The following RNFT2 variants were observed in gnomAD, a reference collection of about 807,000 sequenced individuals.
RNFT2 encodes ring finger protein, transmembrane 2.
Under a neutral mutation model 53.0 loss-of-function variants are expected in RNFT2, and 36 were observed. The observed-to-expected ratio is 0.68, with a 90% confidence interval of 0.52 to 0.90. The LOEUF (loss-of-function observed/expected upper bound fraction) is 0.90, where lower values mean the gene tolerates loss of function less well. Ranked by LOEUF, RNFT2 falls within the 40% of genes least tolerant of loss-of-function variation. RNFT2 has a pLI of 0.00. For synonymous variants in RNFT2, 260 were observed against 253.2 expected, an observed-to-expected ratio of 1.03 and a Z score of -0.26; for missense variants, 514 against 585.6, an observed-to-expected ratio of 0.88 and a Z score of 1.26.
intron 5 of RNFT2, among the ~76,000 whole-genome samples, 177 bp from the exon 6 acceptor site, chr12:116,766,637 C>T (rs1199117416): frequency 6.6e-6 from 1 of 152,162 alleles, no homozygotes; most frequent in African/African-American, 2.4e-5. Flanking sequence ...CCACCTTCTC[C>T]GTGACCACCG....
At chr12:116,849,283 T>TC in intron 10 of RNFT2, 31 bp from the exon 11 acceptor site, 13 of 1,506,848 alleles carry the variant, frequency 8.6e-6, no homozygotes, top group Non-Finnish European at 1.2e-5. Flanking sequence ...CAGTAAAGAG[T>TC]CCTGGTGCCT....
chr12:116,740,541 A>G lies in RNFT2; in HGVS notation c.24+20A>G. ...AATCAGGTGACACGTCTCCAAGAGA[A>G]TTTGCATCTTTATTACTACTTGATT... On this transcript the variant is annotated intron_variant, in intron 2 of 10. Transcript: ENST00000257575. 6.4e-7 allele frequency: 1 copy of G among 1,561,702 alleles called. No homozygotes were observed. Among genetic ancestry groups the G allele is most frequent in the Non-Finnish European group, 8.7e-7 (1 of 1,151,542 alleles).
At chr12:116,802,460 T>C (rs1362395387) in intron 7 of RNFT2, among the ~76,000 whole-genome samples, 1 of 152,168 alleles carries the variant, frequency 6.6e-6, no homozygotes, top group Admixed American at 6.5e-5. Flanking sequence ...AGTTGAGGAA[T>C]GATGACAGAG....
At chr12:116,847,590 C>T (rs912600249) in intron 10 of RNFT2, among the ~76,000 whole-genome samples, 6 of 151,346 alleles carry the variant, frequency 4.0e-5, no homozygotes, top group African/African-American at 9.7e-5. Flanking sequence ...CACAATGGCA[C>T]GATCTCAGCT....
At chr12:116,817,961 T>C (rs915867326) in intron 7 of RNFT2, among the ~76,000 whole-genome samples, 3 of 152,094 alleles carry the variant, frequency 2.0e-5, no homozygotes, top group Non-Finnish European at 4.4e-5. Context: ...AACACGCAAA[T>C]ATAGAACTTC....
At chr12:116,813,355 G>T (rs1255433465) in intron 7 of RNFT2, among the ~76,000 whole-genome samples, 1 of 152,186 alleles carries the variant, frequency 6.6e-6, no homozygotes, top group Non-Finnish European at 1.5e-5. Flanking sequence ...TCTTAGGGCT[G>T]AATCATGCTC....
chr12:116,772,659 A>C (rs1290480359), intron 6 of RNFT2, among the ~76,000 whole-genome samples: 3 of 152,160 alleles, frequency 2.0e-5, no homozygotes, highest in Non-Finnish European at 4.4e-5. Context: ...AAAAAGGACC[A>C]AAAACACCTC....
rs183783005 is a variant in RNFT2, at chr12:116,845,446, A to G, written c.1201-3868A>G. ...GACAGTAACAGGATGGAATCGGGGC[A>G]ACATCATAAAACAGGGGAGACATGA... On this transcript the variant is annotated intron_variant, in intron 10 of 10. Transcript: ENST00000257575. Among the ~76,000 whole-genome samples, 731 of 152,158 alleles carry G rather than the reference A, an allele frequency of 4.8e-3. 7 individuals are homozygous for G. Among genetic ancestry groups the G allele is most frequent in the African/African-American group, 0.016 (660 of 41,520 alleles).
At chr12:116,806,397 TATAGATAG>T (rs71095599) in intron 7 of RNFT2, among the ~76,000 whole-genome samples, 4 of 131,646 alleles carry the variant, frequency 3.0e-5, no homozygotes, top group South Asian at 2.5e-4. Context: ...TATATATATA[TATAGATAG>T]ATAGATAGAT....
chr12:116,807,866 C>T (rs544599231), intron 7 of RNFT2, among the ~76,000 whole-genome samples: 3 of 152,090 alleles, frequency 2.0e-5, no homozygotes, highest in African/African-American at 4.8e-5. Context: ...TGCTTTGATG[C>T]GATTGTGGCT....
intron 6 of RNFT2, among the ~76,000 whole-genome samples, chr12:116,776,008 A>C (rs1272009737): frequency 2.6e-5 from 4 of 151,912 alleles, no homozygotes. Context: ...GTGACACTGC[A>C]CTCCAGCCTG....
chr12:116,786,931 TCTC>T (rs1435284954), intron 7 of RNFT2, among the ~76,000 whole-genome samples: 3 of 152,166 alleles, frequency 2.0e-5, no homozygotes, highest in African/African-American at 7.2e-5. Flanking sequence ...CACATGGTCT[TCTC>T]CTCTTCTGTG....
In RNFT2 at chr12:116,849,630, C is replaced by G; in HGVS notation, c.*182C>G. The G allele has an allele frequency of 7.2e-7, 1 of 1,389,766 alleles. No homozygotes were observed. The highest frequency in any genetic ancestry group is 9.3e-7 in the Non-Finnish European group (1 of 1,070,318). 86.1% of individuals were successfully genotyped at this position (1,389,766 alleles called of 1,614,324 possible). A position where few individuals can be genotyped will look rare whatever the true frequency, so the allele number is the denominator to read the frequency against. ...CTGACCTTCATCTTCCTCTCTCGTT[C>G]TGTGGTATAGTGCGTGCCTCCTTCC... On this transcript the variant is annotated 3_prime_UTR_variant, in exon 11 of 11. Transcript: ENST00000257575.
At chr12:116,779,150 C>A in intron 6 of RNFT2, 45 bp from the exon 7 acceptor site, 1 of 1,607,810 alleles carries the variant, frequency 6.2e-7, no homozygotes, top group Non-Finnish European at 8.5e-7. Context: ...GCTGCTGAGG[C>A]CTGGCCCTAA....
chr12:116,753,461 T>C (rs76058084), intron 4 of RNFT2, among the ~76,000 whole-genome samples: 1 of 152,226 alleles, frequency 6.6e-6, no homozygotes, highest in African/African-American at 2.4e-5. Context: ...GTGAGTTTTT[T>C]CAATGTATGC....
chr12:116,749,879 A>G lies in RNFT2; in HGVS notation c.122A>G (p.Asp41Gly). 1 of 1,589,536 alleles carries G rather than the reference A, an allele frequency of 6.3e-7. No individual in the cohort carries two copies. Among genetic ancestry groups the G allele is most frequent in the East Asian group, 2.3e-5 (1 of 43,750 alleles). Reference protein sequence around the residue: ...SQALSSEASVDEGGVFESLKA... With the variant: ...SQALSSEASVGEGGVFESLKA... ...GCGCTCAGCTCCGAGGCGAGTGTGG[A>G]TGAAGGTGGCGTCTTTGAGAGTCTG... The change falls in exon 4 of 11, where the codon GAT becomes GGT. Residue 41 changes from aspartate (D) to glycine (G), a missense_variant. Asp to Gly is a moderately conservative substitution (Grantham distance 94, BLOSUM62 -1). Around this residue, in one of 3 missense-constraint regions of RNFT2, gnomAD observed 237 missense variants for 235.1 expected, o/e 1.01. Transcript: ENST00000257575.
rs541006101 is a variant in RNFT2 at position 116,769,424 on chromosome 12, A to G, written c.728+2510A>G. Among the ~76,000 whole-genome samples, 7 of 152,318 alleles carry G rather than the reference A, an allele frequency of 4.6e-5. No individual in the cohort carries two copies. In the South Asian group the frequency reaches 1.2e-3, roughly 27 times the overall value. On this transcript the variant is annotated intron_variant, in intron 6 of 10. Transcript: ENST00000257575. ...TGCTATCGTAGGAGATTACAGCTCCATGGGTGTTATTGCCCCTGAAGATCT... is the reference window on the plus strand; with the variant it reads ...TGCTATCGTAGGAGATTACAGCTCCGTGGGTGTTATTGCCCCTGAAGATCT...
intron 5 of RNFT2, among the ~76,000 whole-genome samples, chr12:116,760,619 AG>A (rs1872658960): frequency 6.6e-6 from 1 of 152,136 alleles, no homozygotes; most frequent in Non-Finnish European, 1.5e-5. Flanking sequence ...TTCCCCCGTG[AG>A]GGTGAGTGTT....
At chr12:116,807,366 A>G (rs1484871177) in intron 7 of RNFT2, among the ~76,000 whole-genome samples, 1 of 152,164 alleles carries the variant, frequency 6.6e-6, no homozygotes, top group East Asian at 1.9e-4. Flanking sequence ...TGATAATACG[A>G]CGGAGTAATA....
Sources: gnomAD v4.1 joint callset for allele counts (sites outside exome capture counted in the v4.1 genomes callset) on GRCh38, gnomAD v4.1.1 for gene constraint, gnomAD v4.1.1 regional missense constraint, MANE v1.5 for transcripts, NCBI Gene and HGNC (gene_info 2026-07-23, HGNC 2026-07-21) for gene names.